The following CBFA2T2 variants were observed in gnomAD, a reference collection of about 807,000 sequenced individuals.
CBFA2T2 encodes CBFA2/RUNX1 partner transcriptional co-repressor 2.
In CBFA2T2, 11 loss-of-function variants were observed where a neutral mutation model predicts 62.2. The observed-to-expected ratio is 0.18, with a 90% CI of 0.11 to 0.29. CBFA2T2 has a LOEUF of 0.29. Ranked by LOEUF, CBFA2T2 falls within the 10% of genes least tolerant of loss-of-function variation. The probability of loss-of-function intolerance (pLI) is 1.00; values close to 1 mark genes in which losing one functional copy is unlikely to be tolerated. For synonymous variants in CBFA2T2, 295 were observed against 287.5 expected (o/e 1.03, Z -0.27); for missense variants, 592 against 774.1 (o/e 0.76, Z 2.79).
chr20:33,636,193 A>AATCACTT (rs2016624213), intron 8 of CBFA2T2, among the ~76,000 whole-genome samples: 1 of 144,372 alleles, frequency 6.9e-6, no homozygotes, highest in Non-Finnish European at 1.5e-5. Flanking sequence ...CGGGAGGCAG[A>AATCACTT]GGTTGCAGTG....
chr20:33,512,067 C>T (rs1169957989), intron 1 of CBFA2T2, among the ~76,000 whole-genome samples: 1 of 152,160 alleles, frequency 6.6e-6, no homozygotes, highest in Admixed American at 6.5e-5. Context: ...GGCCCAGCTA[C>T]GTGGGAGGCT....
intron 10 of CBFA2T2, among the ~76,000 whole-genome samples, chr20:33,643,820 A>G (rs7509077): frequency 1.1e-4 from 6 of 56,360 alleles, no homozygotes; most frequent in African/African-American, 3.1e-4. Flanking sequence ...TATATATAGT[A>G]TATAATGTGT....
At chr20:33,555,790 C>A (rs1465027254) in intron 1 of CBFA2T2, among the ~76,000 whole-genome samples, 2 of 152,220 alleles carry the variant, frequency 1.3e-5, no homozygotes, top group African/African-American at 4.8e-5. Context: ...ATACCTCAAT[C>A]CAATTCAGTC....
At chr20:33,505,902 C>T (rs913052012) in intron 1 of CBFA2T2, among the ~76,000 whole-genome samples, 7 of 151,714 alleles carry the variant, frequency 4.6e-5, no homozygotes, top group Admixed American at 3.9e-4. Flanking sequence ...ACCAGCCTGG[C>T]CAGCATGGGG....
chr20:33,507,716 C>T (rs950732501), intron 1 of CBFA2T2, among the ~76,000 whole-genome samples: 2 of 152,150 alleles, frequency 1.3e-5, no homozygotes, highest in African/African-American at 2.4e-5. Context: ...TTTTTCCCCC[C>T]TACTGCTGAT....
At position 33,648,169 on chromosome 20, in the gene CBFA2T2, CA is replaced by C. The variant is rs1281485925; in HGVS notation, c.*3526del. The C allele has an allele frequency of 6.6e-6, 1 of 152,200 alleles. No individual in the cohort carries two copies. The highest frequency in any genetic ancestry group is 1.5e-5 in the Non-Finnish European group (1 of 68,050). The allele number at this position is 152,200 out of a possible 1,614,324, so 9.4% of individuals were successfully genotyped here. A position where few individuals can be genotyped will look rare whatever the true frequency, so the allele number is the denominator to read the frequency against. ...TTCATATTTGCAGTGACATAAAAGG[CA>C]AAGAGGAGCTGGCATGGTGGTACAG... On this transcript the variant is annotated 3_prime_UTR_variant, in exon 11 of 11. Coordinates refer to ENST00000342704, the MANE Select transcript of CBFA2T2 (RefSeq NM_001032999.3).
intron 1 of CBFA2T2, among the ~76,000 whole-genome samples, chr20:33,536,554 C>T (rs1483920654): frequency 6.0e-5 from 9 of 149,368 alleles, no homozygotes; most frequent in African/African-American, 1.2e-4. Context: ...GGCTGCCGGG[C>T]GTAGGGGCTC....
rs768165740 is a variant in CBFA2T2, at chr20:33,509,454, A to C, written c.34+19153A>C. Among the ~76,000 whole-genome samples, 94 of 152,204 alleles carry C rather than the reference A, an allele frequency of 6.2e-4. 1 individual carries two copies. The highest frequency in any genetic ancestry group is 1.1e-3 in the Non-Finnish European group (75 of 68,042). On this transcript the variant is annotated intron_variant, in intron 1 of 10. Transcript: ENST00000342704. ...CAAGGCTTCAGATTTTATTAAACTTATCCTAAATAATGATGTTTTTAAAAG... is the reference window on the plus strand; with the variant it reads ...CAAGGCTTCAGATTTTATTAAACTTCTCCTAAATAATGATGTTTTTAAAAG...
In CBFA2T2 at chr20:33,629,344, T is replaced by C. The variant is rs563005093; in HGVS notation, c.1033-375T>C. Among the ~76,000 whole-genome samples the C allele has an allele frequency of 7.2e-5, 11 of 152,324 alleles. 1 individual carries two copies. The East Asian group carries it at 2.1e-3, about 29-fold the overall frequency. On this transcript the variant is annotated intron_variant, in intron 7 of 10. Transcript: ENST00000342704. ...ATCTCATCAAAATTCATAATTTCTG[T>C]TAGAAATGTGTGTGTGCCTTATTTT...
intron 8 of CBFA2T2, among the ~76,000 whole-genome samples, chr20:33,632,671 A>T (rs1180484221): frequency 2.6e-5 from 4 of 150,992 alleles, no homozygotes; most frequent in Non-Finnish European, 5.9e-5. Context: ...CTGGTCTTCA[A>T]TTCCTAACCT....
chr20:33,521,352 A>T (rs2011725209), intron 1 of CBFA2T2, among the ~76,000 whole-genome samples: 1 of 152,116 alleles, frequency 6.6e-6, no homozygotes, highest in African/African-American at 2.4e-5. Flanking sequence ...GTAATCTAGG[A>T]TTGTTACCCT....
At chr20:33,627,048 C>A (rs2016258555) in intron 6 of CBFA2T2, among the ~76,000 whole-genome samples, 1 of 152,162 alleles carries the variant, frequency 6.6e-6, no homozygotes, top group Admixed American at 6.6e-5. Flanking sequence ...TGTTATGATA[C>A]TTATCCTAGT....
At chr20:33,505,673 C>G (rs2146850860) in intron 1 of CBFA2T2, among the ~76,000 whole-genome samples, 1 of 151,922 alleles carries the variant, frequency 6.6e-6, no homozygotes, top group East Asian at 1.9e-4. Context: ...CCCAGCTGCT[C>G]AGGAGGCTGA....
chr20:33,505,909 G>GGGGAAA (rs2011395112), intron 1 of CBFA2T2, among the ~76,000 whole-genome samples: 1 of 151,736 alleles, frequency 6.6e-6, no homozygotes, highest in Admixed American at 6.6e-5. Context: ...TGGCCAGCAT[G>GGGGAAA]GGGAAACCCT....
chr20:33,565,557 G>T (rs549422683), intron 1 of CBFA2T2, among the ~76,000 whole-genome samples: 7 of 152,148 alleles, frequency 4.6e-5, no homozygotes, highest in Non-Finnish European at 1.0e-4. Context: ...GAAAAAATAT[G>T]CATTTTAGGA....
intron 5 of CBFA2T2, chr20:33,623,888 G>C (rs1442872107): frequency 1.4e-6 from 1 of 715,632 alleles, no homozygotes; most frequent in Non-Finnish European, 2.6e-6. Context: ...TTTATGGGTC[G>C]ACTGTTCCAG....
chr20:33,580,156 A>T (rs1366661627), intron 1 of CBFA2T2, among the ~76,000 whole-genome samples: 2 of 151,998 alleles, frequency 1.3e-5, no homozygotes, highest in African/African-American at 4.8e-5. Context: ...GATATTCTTG[A>T]ATTTTAAAAA....
At chr20:33,563,142 A>G (rs1172293396) in intron 1 of CBFA2T2, among the ~76,000 whole-genome samples, 1 of 152,244 alleles carries the variant, frequency 6.6e-6, no homozygotes, top group Non-Finnish European at 1.5e-5. Flanking sequence ...AAGCAAAACT[A>G]ACAGCATCTC....
intron 1 of CBFA2T2, among the ~76,000 whole-genome samples, chr20:33,522,914 A>G (rs896354051): frequency 1.2e-4 from 19 of 152,370 alleles, no homozygotes; most frequent in African/African-American, 4.6e-4. Flanking sequence ...GAGAGGATTT[A>G]AAAGATCCCT....
Sources: allele counts gnomAD v4.1 joint callset (sites outside exome capture counted in the v4.1 genomes callset), GRCh38; gene constraint gnomAD v4.1.1; transcripts MANE v1.5; gene names NCBI Gene and HGNC (gene_info 2026-07-23, HGNC 2026-07-21).